Variants in APBA1 observed in about 807,000 individuals in gnomAD.
APBA1 encodes the protein amyloid beta precursor protein binding family A member 1, also known as amyloid-beta A4 precursor protein-binding family A member 1.
A neutral mutation model predicts 86.6 loss-of-function variants in APBA1; 55 were observed. The observed-to-expected ratio is 0.64, with a 90% CI of 0.51 to 0.80. The LOEUF (loss-of-function observed/expected upper bound fraction) is 0.80, where lower values mean the gene tolerates loss of function less well. Ranked by LOEUF, APBA1 falls within the 30% of genes least tolerant of loss-of-function variation. APBA1 has a pLI of 0.00. For missense variants in APBA1, 1,090 were observed against 1,183.0 expected, an observed-to-expected ratio of 0.92 and a Z score of 1.15; for synonymous variants, 511 against 493.9, an observed-to-expected ratio of 1.03 and a Z score of -0.46.
chr9:69,501,797 T>C (rs1835884487), intron 2 of APBA1, among the ~76,000 whole-genome samples: 2 of 152,188 alleles, frequency 1.3e-5, no homozygotes, highest in South Asian at 2.1e-4. Context: ...CCTTGCACTC[T>C]AGCCTCGGTC....
At chr9:69,593,263 C>T (rs1246495733) in intron 1 of APBA1, among the ~76,000 whole-genome samples, 1 of 152,052 alleles carries the variant, frequency 6.6e-6, no homozygotes, top group African/African-American at 2.4e-5. Context: ...TACACTTGTG[C>T]TTATCTGTGT....
intron 1 of APBA1, among the ~76,000 whole-genome samples, chr9:69,601,074 C>T (rs1822342094): frequency 6.6e-6 from 1 of 151,904 alleles, no homozygotes; most frequent in African/African-American, 2.4e-5. Context: ...AGAGTATGTG[C>T]AGCAGATTCA....
chr9:69,614,953 C>T (rs937517835), intron 1 of APBA1, among the ~76,000 whole-genome samples: 1 of 152,168 alleles, frequency 6.6e-6, no homozygotes, highest in East Asian at 1.9e-4. Flanking sequence ...AATCCCAGCA[C>T]GTTGGAGGGC....
intron 1 of APBA1, among the ~76,000 whole-genome samples, chr9:69,554,673 T>C (rs1836835158): frequency 6.6e-6 from 1 of 152,180 alleles, no homozygotes; most frequent in Non-Finnish European, 1.5e-5. Context: ...AAACATTTCA[T>C]CAGTTCTAAT....
chr9:69,476,498 G>A (rs1028402170), intron 2 of APBA1, among the ~76,000 whole-genome samples: 7 of 152,122 alleles, frequency 4.6e-5, no homozygotes, highest in African/African-American at 1.7e-4. Context: ...TCTTACTGAT[G>A]AAGCCAAATA....
intron 1 of APBA1, among the ~76,000 whole-genome samples, chr9:69,584,079 T>C (rs927823708): frequency 6.6e-6 from 1 of 152,234 alleles, no homozygotes; most frequent in Admixed American, 6.5e-5. Context: ...ACTCCCTTCT[T>C]GTGTGTTTCA....
At chr9:69,564,212 G>C (rs1454209755) in intron 1 of APBA1, among the ~76,000 whole-genome samples, 1 of 152,068 alleles carries the variant, frequency 6.6e-6, no homozygotes, top group Non-Finnish European at 1.5e-5. Context: ...GGAAGAGCAG[G>C]GGCAATTTAA....
chr9:69,491,474 G>A (rs1019272190), intron 2 of APBA1, among the ~76,000 whole-genome samples: 1 of 151,948 alleles, frequency 6.6e-6, no homozygotes, highest in Admixed American at 6.5e-5. Context: ...GGGAGGTGGA[G>A]GGATAGCATT....
intron 2 of APBA1, among the ~76,000 whole-genome samples, chr9:69,493,799 G>T (rs1400611077): frequency 6.6e-6 from 1 of 152,028 alleles, no homozygotes; most frequent in African/African-American, 2.4e-5. Context: ...CTGAACACAC[G>T]CAGCATTACT....
chr9:69,610,884 C>T (rs1309184950), intron 1 of APBA1, among the ~76,000 whole-genome samples: 1 of 152,096 alleles, frequency 6.6e-6, no homozygotes, highest in East Asian at 1.9e-4. Flanking sequence ...ATTCAAACTC[C>T]CCAAGCTTGT....
intron 2 of APBA1, among the ~76,000 whole-genome samples, chr9:69,492,156 G>A (rs780387341): frequency 2.0e-5 from 3 of 152,190 alleles, no homozygotes; most frequent in Admixed American, 6.5e-5. Flanking sequence ...AAGGCCCAGC[G>A]TCTGGCAGAT....
intron 11 of APBA1, among the ~76,000 whole-genome samples, chr9:69,436,753 T>C (rs548199127): frequency 2.2e-4 from 34 of 152,242 alleles, no homozygotes; most frequent in East Asian, 1.2e-3. Context: ...TTTTCCTAAT[T>C]GAATGCCCTT....
chr9:69,481,304 A>G (rs1274876224), intron 2 of APBA1, among the ~76,000 whole-genome samples: 2 of 152,056 alleles, frequency 1.3e-5, no homozygotes, highest in African/African-American at 2.4e-5. Flanking sequence ...ATGTGCAAAA[A>G]TCACAAGCAT....
intron 1 of APBA1, among the ~76,000 whole-genome samples, chr9:69,549,139 C>T (rs1412489824): frequency 1.3e-5 from 2 of 152,208 alleles, no homozygotes; most frequent in African/African-American, 4.8e-5. Flanking sequence ...AGTTACAGAA[C>T]AGCACAAGCG....
chr9:69,520,567 T>C (rs191250448), intron 1 of APBA1, among the ~76,000 whole-genome samples: 4 of 152,300 alleles, frequency 2.6e-5, no homozygotes, highest in Non-Finnish European at 5.9e-5. Context: ...TATATTGTGA[T>C]CAGAAAGATG....
chr9:69,555,696 A>C (rs1385327334), intron 1 of APBA1, among the ~76,000 whole-genome samples: 1 of 152,228 alleles, frequency 6.6e-6, no homozygotes, highest in Non-Finnish European at 1.5e-5. Context: ...ATGTCTAGAA[A>C]TAAGTAACTA....
intron 1 of APBA1, among the ~76,000 whole-genome samples, chr9:69,588,483 C>T (rs1822065421): frequency 6.6e-6 from 1 of 151,698 alleles, no homozygotes; most frequent in African/African-American, 2.4e-5. Context: ...CAATGATGTC[C>T]CCCAAGTCTT....
chr9:69,551,612 A>G (rs1204882992), intron 1 of APBA1, among the ~76,000 whole-genome samples: 1 of 152,094 alleles, frequency 6.6e-6, no homozygotes, highest in Non-Finnish European at 1.5e-5. Context: ...ATGGAATTTC[A>G]GGACCAATCT....
At chr9:69,661,883 AC>A (rs2134026931) in intron 1 of APBA1, among the ~76,000 whole-genome samples, 1 of 151,990 alleles carries the variant, frequency 6.6e-6, no homozygotes, top group South Asian at 2.1e-4. Context: ...GCAGCATGAG[AC>A]CCTTACCAGA....
Sources: allele counts gnomAD v4.1 joint callset (sites outside exome capture counted in the v4.1 genomes callset), GRCh38; gene constraint gnomAD v4.1.1; transcripts MANE v1.5; gene names NCBI Gene and HGNC (gene_info 2026-07-23, HGNC 2026-07-21).